The following EPHB1 variants were observed in gnomAD, a reference collection of about 807,000 sequenced individuals.
EPHB1 encodes ephrin type-B receptor 1.
Under a neutral mutation model 94.4 loss-of-function variants are expected in EPHB1, and 30 were observed. The ratio of observed to expected loss-of-function variants is 0.32; its 90% CI spans 0.24 to 0.43. The LOEUF is 0.43. EPHB1 is among the 20% of genes least tolerant of loss of function. The pLI, the probability that EPHB1 is intolerant of heterozygous loss-of-function variation, is 1.00. For synonymous variants in EPHB1, 522 were observed against 489.1 expected (o/e 1.07, Z -0.89); for missense variants, 1,055 against 1,308.3 (o/e 0.81, Z 2.99).
intron 1 of EPHB1, among the ~76,000 whole-genome samples, chr3:134,908,126 A>G (rs2038374325): frequency 6.6e-6 from 1 of 152,222 alleles, no homozygotes; most frequent in African/African-American, 2.4e-5. Context: ...GCCCTTACAA[A>G]GCCCACACTG....
chr3:135,011,203 T>C (rs1426677673), intron 3 of EPHB1, among the ~76,000 whole-genome samples: 2 of 152,228 alleles, frequency 1.3e-5, no homozygotes, highest in African/African-American at 2.4e-5. Context: ...TCTTATGGCA[T>C]TGAACGTGGT....
At chr3:134,859,349 A>C (rs1197353479) in intron 1 of EPHB1, among the ~76,000 whole-genome samples, 1 of 152,236 alleles carries the variant, frequency 6.6e-6, no homozygotes, top group African/African-American at 2.4e-5. Context: ...CACCTTGGGC[A>C]GCAGCCCTCA....
chr3:135,033,559 C>A (rs1422088204), intron 3 of EPHB1, among the ~76,000 whole-genome samples: 1 of 152,116 alleles, frequency 6.6e-6, no homozygotes, highest in Non-Finnish European at 1.5e-5. Context: ...AGGAAAGTTA[C>A]CACTGTTCAT....
intron 12 of EPHB1, among the ~76,000 whole-genome samples, chr3:135,225,368 T>G (rs1943369752): frequency 6.6e-6 from 1 of 152,168 alleles, no homozygotes; most frequent in Admixed American, 6.5e-5. Flanking sequence ...GTCACAGAGC[T>G]TAGGCCCTTC....
At chr3:134,871,502 G>A (rs1259016920) in intron 1 of EPHB1, among the ~76,000 whole-genome samples, 2 of 152,134 alleles carry the variant, frequency 1.3e-5, no homozygotes, top group Non-Finnish European at 2.9e-5. Context: ...AAACCAAGTA[G>A]ATGTGAGGTT....
chr3:135,004,236 A>C (rs1219590796), intron 3 of EPHB1, among the ~76,000 whole-genome samples: 1 of 150,496 alleles, frequency 6.6e-6, no homozygotes, highest in Non-Finnish European at 1.5e-5. Flanking sequence ...TTGGCTGGAT[A>C]TGAAATTCTG....
At chr3:134,947,876 C>A (rs1033588974) in intron 2 of EPHB1, among the ~76,000 whole-genome samples, 2 of 152,176 alleles carry the variant, frequency 1.3e-5, no homozygotes, top group African/African-American at 4.8e-5. Context: ...CTTACTGCAG[C>A]CCCTCCTGGG....
chr3:135,077,152 A>G (rs181199972), intron 3 of EPHB1, among the ~76,000 whole-genome samples: 1 of 152,314 alleles, frequency 6.6e-6, no homozygotes, highest in Non-Finnish European at 1.5e-5. Flanking sequence ...TCCAGAATGT[A>G]TTTTGCCAAA....
At chr3:135,203,703 G>A (rs1942819818) in intron 12 of EPHB1, among the ~76,000 whole-genome samples, 1 of 152,170 alleles carries the variant, frequency 6.6e-6, no homozygotes, top group South Asian at 2.1e-4. Context: ...AATTAGGTGT[G>A]CCTTCTTTGA....
At chr3:134,805,293 T>C (rs973105426) in intron 1 of EPHB1, among the ~76,000 whole-genome samples, 2 of 152,094 alleles carry the variant, frequency 1.3e-5, no homozygotes, top group African/African-American at 4.8e-5. Context: ...TTTGGGATGG[T>C]GGAATGCAGG....
chr3:135,043,054 C>G (rs1015268600), intron 3 of EPHB1, among the ~76,000 whole-genome samples: 1 of 151,930 alleles, frequency 6.6e-6, no homozygotes, highest in Non-Finnish European at 1.5e-5. Context: ...ATTGCTATGG[C>G]TAGTCTTGAA....
intron 1 of EPHB1, among the ~76,000 whole-genome samples, chr3:134,877,345 C>T (rs958808132): frequency 1.3e-5 from 2 of 152,202 alleles, no homozygotes; most frequent in African/African-American, 4.8e-5. Context: ...GGGCCCTTCC[C>T]TGTTATTTTG....
At chr3:134,989,164 C>T (rs528016004) in intron 3 of EPHB1, among the ~76,000 whole-genome samples, 92 of 152,254 alleles carry the variant, frequency 6.0e-4, no homozygotes, top group African/African-American at 2.2e-3. Context: ...AGTGGTGAAG[C>T]AGGATCACAG....
intron 3 of EPHB1, among the ~76,000 whole-genome samples, chr3:135,065,993 A>C (rs1481258662): frequency 1.3e-5 from 2 of 152,172 alleles, no homozygotes; most frequent in African/African-American, 4.8e-5. Flanking sequence ...CTTGGGTGAT[A>C]ATTGTTTTGC....
At chr3:135,201,817 C>A in intron 12 of EPHB1, 128 bp downstream of exon 12, 3 of 902,718 alleles carry the variant, frequency 3.3e-6, no homozygotes, top group South Asian at 1.7e-5. Flanking sequence ...ACTGAAAGAC[C>A]AAGATGCCAG....
chr3:134,938,594 G>T (rs1349288430), intron 2 of EPHB1, among the ~76,000 whole-genome samples: 4 of 152,290 alleles, frequency 2.6e-5, no homozygotes, highest in East Asian at 1.9e-4. Flanking sequence ...CAGACAGACA[G>T]AAGAGTCATA....
intron 12 of EPHB1, among the ~76,000 whole-genome samples, chr3:135,231,039 C>T (rs1943520173): frequency 6.6e-6 from 1 of 152,184 alleles, no homozygotes; most frequent in Non-Finnish European, 1.5e-5. Context: ...ATAGGATCTG[C>T]ACCACTAAAG....
chr3:135,058,813 G>GT (rs1174781346), intron 3 of EPHB1, among the ~76,000 whole-genome samples: 2 of 152,218 alleles, frequency 1.3e-5, no homozygotes. Flanking sequence ...TGAGCGGCTT[G>GT]TAGGTGGGTT....
intron 3 of EPHB1, chr3:134,978,053 G>C (rs1381552266): frequency 2.2e-6 from 1 of 448,382 alleles, no homozygotes; most frequent in Non-Finnish European, 4.5e-6. Context: ...AGCCTCCTCT[G>C]CATCCACCCC....
Sources: allele counts gnomAD v4.1 joint callset (sites outside exome capture counted in the v4.1 genomes callset), GRCh38; gene constraint gnomAD v4.1.1; transcripts MANE v1.5; gene names NCBI Gene and HGNC (gene_info 2026-07-23, HGNC 2026-07-21).